Variants in RPL28 observed in about 807,000 individuals in gnomAD.
The protein encoded by RPL28 is large ribosomal subunit protein eL28.
RPL28 carries 4 observed loss-of-function variants against 12.5 expected under a neutral mutation model. That is an observed-to-expected ratio of 0.32 (90% confidence interval 0.16 to 0.73). The LOEUF (loss-of-function observed/expected upper bound fraction) is 0.73. Ranked by LOEUF, RPL28 falls within the 30% of genes least tolerant of loss-of-function variation. RPL28 has a pLI of 0.66. For synonymous variants in RPL28, 91 were observed against 72.5 expected, an observed-to-expected ratio of 1.26 and a Z score of -1.30; for missense variants, 214 against 197.7, an observed-to-expected ratio of 1.08 and a Z score of -0.49.
At position 55,389,465 on chromosome 19, in the gene RPL28, CT is replaced by C; in HGVS notation, c.*1134del. 1.0e-6 allele frequency: 1 copy of C among 985,480 alleles called. No homozygotes were observed. The highest frequency in any genetic ancestry group is 1.2e-6 in the Non-Finnish European group (1 of 829,960). 61.0% of individuals were successfully genotyped at this position (985,480 alleles called of 1,614,324 possible). A position where few individuals can be genotyped will look rare whatever the true frequency, so the allele number is the denominator to read the frequency against. ...CAAGGATCCAGCATCCATGGCACCC[CT>C]GGTTCCTGCCATCCTGGGGTACCCG... On this transcript the variant is annotated 3_prime_UTR_variant, in exon 5 of 5. Coordinates refer to ENST00000344063, the MANE Select transcript of RPL28 (RefSeq NM_000991.5).
Position 55,390,296 on chromosome 19 carries a change from C to T in RPL28, c.*1964C>T. 8.6e-6 allele frequency: 7 copies of T among 809,448 alleles called. No homozygotes were observed. The highest frequency in any genetic ancestry group is 1.9e-5 in the African/African-American group (1 of 53,536). The allele number at this position is 809,448 out of a possible 1,614,324, so 50.1% of individuals were successfully genotyped here. A position where few individuals can be genotyped will look rare whatever the true frequency, so the allele number is the denominator to read the frequency against. On this transcript the variant is annotated 3_prime_UTR_variant, in exon 5 of 5. Transcript: ENST00000344063. ...CTTGGCTCACTGCAGCCTCCACCTC[C>T]TGGGTTCAAGCGATTCTCCTGCCTC...
chr19:55,401,506 G>A, intron 4 of RPL28: 1 of 1,609,942 alleles, frequency 6.2e-7, no homozygotes, highest in Non-Finnish European at 8.5e-7. Context: ...GCGCTCGCCA[G>A]CATGCTTCTT....
chr19:55,399,006 GAGGA>G (rs2090039526), intron 4 of RPL28, among the ~76,000 whole-genome samples: 1 of 151,794 alleles, frequency 6.6e-6, no homozygotes. Context: ...GGTTTGTTTT[GAGGA>G]AGGGTCTCCC....
downstream of RPL28, among the ~76,000 whole-genome samples, chr19:55,396,695 C>T (rs2090026355): frequency 6.8e-6 from 1 of 147,066 alleles, no homozygotes; most frequent in African/African-American, 2.5e-5. Context: ...ATTCTCCTGC[C>T]TCAGCCTCCC....
rs1251962378 is a variant in RPL28 at position 55,389,869 on chromosome 19, G to A, written c.*1537G>A. ...GCCCACCTCCAGCTGGCCTCACTCC[G>A]CTGGTGACTTCGTACCTGCTCAGGA... On this transcript the variant is annotated 3_prime_UTR_variant, in exon 5 of 5. Coordinates refer to ENST00000344063, the MANE Select transcript of RPL28 (RefSeq NM_000991.5). 16 of 985,192 alleles carry A rather than the reference G, an allele frequency of 1.6e-5. No homozygotes were observed. Among genetic ancestry groups the A allele is most frequent in the African/African-American group, 5.2e-5 (3 of 57,150 alleles). 61.0% of individuals were successfully genotyped at this position (985,192 alleles called of 1,614,324 possible).
intron 2 of RPL28, 41 bp from the exon 3 acceptor site, chr19:55,386,529 G>A: frequency 6.3e-7 from 1 of 1,598,448 alleles, no homozygotes; most frequent in African/African-American, 1.3e-5. Context: ...GCATGTCTCC[G>A]GGTCCCTTAT....
At chr19:55,386,827 G>A in intron 3 of RPL28, 134 bp downstream of exon 3, 2 of 1,584,746 alleles carry the variant, frequency 1.3e-6, no homozygotes, top group Non-Finnish European at 1.7e-6. Context: ...GTTGGTCTGG[G>A]TACCGGCTTC....
Position 55,390,205 on chromosome 19 carries a change from C to T in RPL28, c.*1873C>T, listed in dbSNP as rs369971781. The T allele has an allele frequency of 4.1e-6, 4 of 985,292 alleles. No individual in the cohort carries two copies. The highest frequency in any genetic ancestry group is 9.4e-5 in the South Asian group (2 of 21,306). 61.0% of individuals were successfully genotyped at this position (985,292 alleles called of 1,614,324 possible). A position where few individuals can be genotyped will look rare whatever the true frequency, so the allele number is the denominator to read the frequency against. ...AGCCCACCGGTCCTGAGAGTTTGCT[C>T]ACTGGAGACTTTCTGGAGATGGAGT... On this transcript the variant is annotated 3_prime_UTR_variant, in exon 5 of 5. Coordinates refer to ENST00000344063, the MANE Select transcript of RPL28 (RefSeq NM_000991.5).
intron 4 of RPL28, chr19:55,400,113 CAA>C (rs1471448974): frequency 3.9e-5 from 6 of 152,186 alleles, no homozygotes; most frequent in African/African-American, 1.4e-4. Context: ...TTAGAATAGG[CAA>C]ATTCTTTCAG....
At chr19:55,392,769 TC>T (rs1412287265), downstream of RPL28, among the ~76,000 whole-genome samples, 1 of 152,034 alleles carries the variant, frequency 6.6e-6, no homozygotes, top group African/African-American at 2.4e-5. Context: ...GACCTCGTGA[TC>T]CGTCCGCCTC....
In RPL28 at chr19:55,391,754, T is replaced by C. The variant is rs753692764; in HGVS notation, c.*3422T>C. On this transcript the variant is annotated 3_prime_UTR_variant, in exon 5 of 5. Transcript: ENST00000344063. ...ACAAATCCTGATTGTAGGAATAAATTAATGACTTTTTATAAATATTTTGAT... is the reference window on the plus strand; with the variant it reads ...ACAAATCCTGATTGTAGGAATAAATCAATGACTTTTTATAAATATTTTGAT... The C allele has an allele frequency of 5.9e-5, 88 of 1,493,494 alleles. No homozygotes were observed. Among genetic ancestry groups the C allele is most frequent in the Non-Finnish European group, 7.3e-5 (81 of 1,109,468 alleles). The allele number at this position is 1,493,494 out of a possible 1,614,324, so 92.5% of individuals were successfully genotyped here. A position where few individuals can be genotyped will look rare whatever the true frequency, so the allele number is the denominator to read the frequency against.
Position 55,391,537 on chromosome 19 carries a change from G to A in RPL28, c.*3205G>A. The stretch of plus-strand genomic sequence containing the variant: ...ACAGCAGCAGAGACTCGGGACTGAG[G>A]CATCCTCTGTTCACAGGACATGCTG... On this transcript the variant is annotated 3_prime_UTR_variant, in exon 5 of 5. Transcript: ENST00000344063. 1.3e-6 allele frequency: 2 copies of A among 1,509,690 alleles called. No homozygotes were observed. Among genetic ancestry groups the A allele is most frequent in the African/African-American group, 1.4e-5 (1 of 72,410 alleles). The allele number at this position is 1,509,690 out of a possible 1,614,324, so 93.5% of individuals were successfully genotyped here.
chr19:55,389,501 A>G lies in RPL28; in HGVS notation c.*1169A>G, dbSNP rs12981911. ...CATCCTGGGGTACCCGATTCAAAGAAGGACTCTGCTCCCTGTCTGAGACCA... is the reference window on the plus strand; with the variant it reads ...CATCCTGGGGTACCCGATTCAAAGAGGGACTCTGCTCCCTGTCTGAGACCA... On this transcript the variant is annotated 3_prime_UTR_variant, in exon 5 of 5. Transcript: ENST00000344063. 0.67 allele frequency: 663,810 copies of G among 985,128 alleles called. 229,076 individuals carry two copies. The highest frequency in any genetic ancestry group is 0.88 in the East Asian group (7,706 of 8,800). The allele number at this position is 985,128 out of a possible 1,614,324, so 61.0% of individuals were successfully genotyped here.
chr19:55,389,433 C>A lies in RPL28; in HGVS notation c.*1101C>A. 1 of 985,448 alleles carries A rather than the reference C, an allele frequency of 1.0e-6. No homozygotes were observed. The highest frequency in any genetic ancestry group is 1.2e-6 in the Non-Finnish European group (1 of 829,952). The allele number at this position is 985,448 out of a possible 1,614,324, so 61.0% of individuals were successfully genotyped here. ...GGCACCTAACTCTGTCAGCCACTGCCAGGGACCAAGGATCCAGCATCCATG... is the reference window on the plus strand; with the variant it reads ...GGCACCTAACTCTGTCAGCCACTGCAAGGGACCAAGGATCCAGCATCCATG... On this transcript the variant is annotated 3_prime_UTR_variant, in exon 5 of 5. Transcript: ENST00000344063.
intron 4 of RPL28, among the ~76,000 whole-genome samples, chr19:55,398,675 T>C (rs987040056): frequency 6.6e-6 from 1 of 152,184 alleles, no homozygotes; most frequent in Non-Finnish European, 1.5e-5. Flanking sequence ...GTAGGAACTC[T>C]TTATACATTT....
At chr19:55,399,243 T>TCCAGGCTG in intron 4 of RPL28, among the ~76,000 whole-genome samples, 2 of 152,196 alleles carry the variant, frequency 1.3e-5, no homozygotes, top group East Asian at 3.9e-4. Context: ...CTCAGCTCAC[T>TCCAGGCTG]GAAACCTCTG....
Position 55,389,252 on chromosome 19 carries a change from G to A in RPL28, c.*920G>A, listed in dbSNP as rs983529536. The stretch of plus-strand genomic sequence containing the variant: ...GTGGTCCCAGCTCCTCAGAGGTTGA[G>A]TAGAGGCTGAGGTGAGCGGAGCACT... On this transcript the variant is annotated 3_prime_UTR_variant, in exon 5 of 5. Transcript: ENST00000344063. 5.5e-6 allele frequency: 5 copies of A among 913,602 alleles called. No individual in the cohort carries two copies. In the African/African-American group the frequency reaches 7.2e-5, roughly 13 times the overall value. The allele number at this position is 913,602 out of a possible 1,614,324, so 56.6% of individuals were successfully genotyped here. A position where few individuals can be genotyped will look rare whatever the true frequency, so the allele number is the denominator to read the frequency against.
At chr19:55,392,191 GCTT>G (rs953195503), downstream of RPL28, 6 of 862,618 alleles carry the variant, frequency 7.0e-6, no homozygotes, top group Non-Finnish European at 8.4e-6. Context: ...AGCCACCTGT[GCTT>G]CTCCTTTTTG....
intron 3 of RPL28, chr19:55,387,156 A>T (rs990429937): frequency 7.8e-7 from 1 of 1,288,656 alleles, no homozygotes; most frequent in African/African-American, 1.5e-5. Context: ...TGGGGACCCC[A>T]CTCCATACAT....
Sources: gnomAD v4.1 joint callset for allele counts (sites outside exome capture counted in the v4.1 genomes callset) on GRCh38, gnomAD v4.1.1 for gene constraint, MANE v1.5 for transcripts, NCBI Gene and HGNC (gene_info 2026-07-23, HGNC 2026-07-21) for gene names.